RNLS: variants seen among roughly 807,000 people sequenced by gnomAD.
RNLS encodes renalase, FAD dependent amine oxidase, also known as renalase.
A neutral mutation model predicts 39.8 loss-of-function variants in RNLS; 39 were observed. The observed-to-expected ratio is 0.98, with a 90% confidence interval of 0.76 to 1.28. The LOEUF (loss-of-function observed/expected upper bound fraction) is 1.28, where lower values mean the gene tolerates loss of function less well. RNLS is among the 50% of genes most tolerant of loss of function. RNLS has a pLI of 0.00. For missense variants in RNLS, 410 were observed against 413.3 expected, an observed-to-expected ratio of 0.99 and a Z score of 0.07; for synonymous variants, 147 against 150.7, an observed-to-expected ratio of 0.98 and a Z score of 0.18.
chr10:88,398,537 A>G (rs1233860674), intron 4 of RNLS, among the ~76,000 whole-genome samples: 1 of 152,016 alleles, frequency 6.6e-6, no homozygotes, highest in African/African-American at 2.4e-5. Flanking sequence ...CAGTTCCTCC[A>G]GCATCATCAG....
chr10:88,190,515 C>T, the RNLS span, among the ~76,000 whole-genome samples: 1 of 152,172 alleles, frequency 6.6e-6, no homozygotes, highest in Non-Finnish European at 1.5e-5. Flanking sequence ...CTCAGTTTTT[C>T]CTCTTCCTGT....
intron 6 of RNLS, among the ~76,000 whole-genome samples, chr10:88,298,086 C>A (rs749619676): frequency 2.0e-5 from 3 of 151,950 alleles, no homozygotes; most frequent in Non-Finnish European, 4.4e-5. Flanking sequence ...TGATTTTTAC[C>A]TTTTCATGTG....
chr10:88,444,572 A>G (rs1429440183), intron 4 of RNLS, among the ~76,000 whole-genome samples: 1 of 152,074 alleles, frequency 6.6e-6, no homozygotes, highest in East Asian at 1.9e-4. Flanking sequence ...AAAAACCTTG[A>G]AAAAAAATTA....
At chr10:88,415,460 TG>T (rs1357587690) in intron 4 of RNLS, among the ~76,000 whole-genome samples, 1 of 152,214 alleles carries the variant, frequency 6.6e-6, no homozygotes, top group African/African-American at 2.4e-5. Context: ...ATTAGACTGG[TG>T]CTTTTTTAAA....
chr10:88,285,837 C>A (rs1013018181), intron 6 of RNLS, among the ~76,000 whole-genome samples: 10 of 152,042 alleles, frequency 6.6e-5, no homozygotes, highest in Admixed American at 2.6e-4. Context: ...ATGTTGAAGT[C>A]CTAACCCCCG....
At chr10:88,398,403 T>A (rs1048979287) in intron 4 of RNLS, among the ~76,000 whole-genome samples, 1 of 151,740 alleles carries the variant, frequency 6.6e-6, no homozygotes, top group African/African-American at 2.4e-5. Flanking sequence ...TGGCCCAGAG[T>A]GTGAGAGCTG....
At chr10:88,467,573 C>G (rs979274741) in intron 4 of RNLS, among the ~76,000 whole-genome samples, 2 of 152,048 alleles carry the variant, frequency 1.3e-5, no homozygotes, top group Admixed American at 6.6e-5. Context: ...AGCTTGTGAC[C>G]TAACTAAGAG....
intron 4 of RNLS, among the ~76,000 whole-genome samples, chr10:88,507,703 T>C (rs935393394): frequency 2.0e-5 from 3 of 152,180 alleles, no homozygotes; most frequent in African/African-American, 7.2e-5. Context: ...GATGTACTGA[T>C]AGTTTTTGAA....
the RNLS span, among the ~76,000 whole-genome samples, chr10:88,244,172 G>T: frequency 6.6e-6 from 1 of 152,210 alleles, no homozygotes; most frequent in Non-Finnish European, 1.5e-5. Context: ...CATGCTTCCA[G>T]CCTGCCCCAA....
At chr10:88,407,413 A>T (rs754966701) in intron 4 of RNLS, among the ~76,000 whole-genome samples, 1 of 151,904 alleles carries the variant, frequency 6.6e-6, no homozygotes, top group Non-Finnish European at 1.5e-5. Flanking sequence ...TTATGATGAG[A>T]GGGTGAGAAA....
the RNLS span, among the ~76,000 whole-genome samples, chr10:88,231,574 G>A: frequency 6.6e-6 from 1 of 152,156 alleles, no homozygotes; most frequent in South Asian, 2.1e-4. Context: ...CACAGTGCCA[G>A]GCACTTTCTT....
chr10:88,553,488 T>A (rs1465270239), intron 4 of RNLS, among the ~76,000 whole-genome samples: 1 of 152,114 alleles, frequency 6.6e-6, no homozygotes. Flanking sequence ...CAAATGGTCT[T>A]GAAAAAGAGA....
chr10:88,192,859 C>T, the RNLS span, among the ~76,000 whole-genome samples: 1 of 152,142 alleles, frequency 6.6e-6, no homozygotes, highest in Admixed American at 6.5e-5. Flanking sequence ...TACCTGCTAA[C>T]TTTAAAGATT....
At chr10:88,370,979 A>T (rs1850516400) in intron 4 of RNLS, among the ~76,000 whole-genome samples, 2 of 152,132 alleles carry the variant, frequency 1.3e-5, no homozygotes, top group African/African-American at 2.4e-5. Context: ...TTGGTGACAG[A>T]CTTCAGCAGT....
intron 4 of RNLS, among the ~76,000 whole-genome samples, chr10:88,438,783 C>T (rs2133839350): frequency 6.6e-6 from 1 of 152,300 alleles, no homozygotes; most frequent in South Asian, 2.1e-4. Context: ...CCTCTTGGCT[C>T]ACTGGAGGTT....
At chr10:88,488,654 G>A (rs1490310264) in intron 4 of RNLS, among the ~76,000 whole-genome samples, 1 of 151,006 alleles carries the variant, frequency 6.6e-6, no homozygotes, top group African/African-American at 2.4e-5. Context: ...ACTAAAATAT[G>A]AGCAAGCAAA....
chr10:88,521,806 A>C (rs1490344758), intron 4 of RNLS, among the ~76,000 whole-genome samples: 1 of 152,118 alleles, frequency 6.6e-6, no homozygotes, highest in African/African-American at 2.4e-5. Context: ...GACAGAGAGA[A>C]TAGAACACCA....
At chr10:88,498,956 T>C (rs949532481) in intron 4 of RNLS, among the ~76,000 whole-genome samples, 1 of 152,158 alleles carries the variant, frequency 6.6e-6, no homozygotes, top group Admixed American at 6.6e-5. Context: ...AGATCTTGGT[T>C]CAGGGAATAA....
intron 4 of RNLS, among the ~76,000 whole-genome samples, chr10:88,385,199 T>C (rs72820018): frequency 0.067 from 10,178 of 152,208 alleles, 484 homozygotes; most frequent in Admixed American, 0.13. Flanking sequence ...AAAAGCAAAA[T>C]GAAGTTAAAA....
Sources: allele counts gnomAD v4.1 joint callset (sites outside exome capture counted in the v4.1 genomes callset), GRCh38; gene constraint gnomAD v4.1.1; transcripts MANE v1.5; gene names NCBI Gene and HGNC (gene_info 2026-07-23, HGNC 2026-07-21).